The following GALNT7 variants were observed in gnomAD, a reference collection of about 807,000 sequenced individuals.
GALNT7 encodes N-acetylgalactosaminyltransferase 7.
GALNT7 carries 60 observed loss-of-function variants against 82.1 expected under a neutral mutation model. The ratio of observed to expected loss-of-function variants is 0.73; its 90% CI spans 0.59 to 0.91. The LOEUF is 0.91. Among genes scored for constraint, GALNT7 ranks in the 40% least tolerant of loss-of-function variants. The pLI is 0.00. For synonymous variants in GALNT7, 243 were observed against 275.1 expected (o/e 0.88, Z 1.15); for missense variants, 660 against 804.2 (o/e 0.82, Z 2.17).
rs1366706643 is a variant in GALNT7 at position 173,292,089 on chromosome 4, T to G, written c.588-19T>G. ...ATAGATTACCTGTAAATAAATATGA[T>G]GAAATTTTCTCTTTACAGATGCAAG... On this transcript the variant is annotated intron_variant, in intron 2 of 11. Coordinates refer to ENST00000265000, the MANE Select transcript of GALNT7 (RefSeq NM_017423.3). The surrounding 1 kb of genome is among the most constrained non-coding windows in gnomAD (Gnocchi z 4.8). The G allele has an allele frequency of 6.4e-7, 1 of 1,572,858 alleles. No individual in the cohort carries two copies.
intron 1 of GALNT7, among the ~76,000 whole-genome samples, chr4:173,182,650 G>T: frequency 6.8e-6 from 1 of 147,882 alleles, no homozygotes; most frequent in African/African-American, 2.6e-5. Context: ...AGGCAAGCAG[G>T]TTACTCATAA....
rs181896260 is a variant in GALNT7, at chr4:173,219,048, G to A, written c.127-28932G>A. Among the ~76,000 whole-genome samples the A allele has an allele frequency of 2.7e-3, 415 of 152,112 alleles. 2 individuals are homozygous for A. The highest frequency in any genetic ancestry group is 0.017 in the Middle Eastern group (5 of 294). Reference sequence around the variant, plus strand: ...GTTTACATGAATAAGTTCTTTAGTGGTGATTTCCAAGATTTTGGTGCACCT... The same window carrying A: ...GTTTACATGAATAAGTTCTTTAGTGATGATTTCCAAGATTTTGGTGCACCT... On this transcript the variant is annotated intron_variant, in intron 1 of 11. Coordinates refer to ENST00000265000, the MANE Select transcript of GALNT7 (RefSeq NM_017423.3).
At chr4:173,272,791 T>A (rs1439704328) in intron 2 of GALNT7, among the ~76,000 whole-genome samples, 1 of 152,268 alleles carries the variant, frequency 6.6e-6, no homozygotes, top group Non-Finnish European at 1.5e-5. Context: ...TTACTAAGTG[T>A]AGCCAACATA....
intron 1 of GALNT7, among the ~76,000 whole-genome samples, chr4:173,197,953 C>T (rs997036733): frequency 1.3e-5 from 2 of 152,202 alleles, no homozygotes; most frequent in Admixed American, 6.5e-5. Flanking sequence ...CCAGGGCTGC[C>T]ATGAGGGTTA....
intron 2 of GALNT7, among the ~76,000 whole-genome samples, chr4:173,265,328 T>C (rs1256229296): frequency 2.0e-5 from 3 of 152,220 alleles, no homozygotes; most frequent in Non-Finnish European, 2.9e-5. Context: ...GAAGTGACCT[T>C]TCCAGAGCCA....
intron 1 of GALNT7, among the ~76,000 whole-genome samples, chr4:173,169,835 G>A (rs1025065395): frequency 6.6e-6 from 1 of 151,960 alleles, no homozygotes; most frequent in African/African-American, 2.4e-5. Flanking sequence ...GCTTGGGCCG[G>A]AAAACTAACT....
chr4:173,216,205 T>C (rs1334687307), intron 1 of GALNT7, among the ~76,000 whole-genome samples: 1 of 152,234 alleles, frequency 6.6e-6, no homozygotes, highest in Non-Finnish European at 1.5e-5. Flanking sequence ...GTTCACCCTT[T>C]TCTCTTTTAA....
intron 1 of GALNT7, among the ~76,000 whole-genome samples, chr4:173,193,432 A>G (rs1326925758): frequency 1.3e-5 from 2 of 152,140 alleles, no homozygotes; most frequent in Non-Finnish European, 2.9e-5. Context: ...CACATACATG[A>G]AGTTTCTGCC....
intron 1 of GALNT7, among the ~76,000 whole-genome samples, chr4:173,239,282 CATAAG>C (rs933474266): frequency 5.3e-5 from 8 of 152,164 alleles, no homozygotes; most frequent in Non-Finnish European, 1.2e-4. Flanking sequence ...CAAGCAGTGG[CATAAG>C]ATAATAGACC....
chr4:173,300,198 C>G (rs1580003581), intron 6 of GALNT7, among the ~76,000 whole-genome samples: 1 of 152,232 alleles, frequency 6.6e-6, no homozygotes, highest in Middle Eastern at 3.4e-3. Context: ...CTAAAATTAG[C>G]CTGGTGTGGT....
chr4:173,251,758 TTG>T (rs1195489744), intron 2 of GALNT7, among the ~76,000 whole-genome samples: 1 of 152,210 alleles, frequency 6.6e-6, no homozygotes, highest in Non-Finnish European at 1.5e-5. Context: ...TTGCATGTTT[TTG>T]TGTATTATTT....
intron 1 of GALNT7, among the ~76,000 whole-genome samples, chr4:173,209,002 T>C (rs536201567): frequency 5.3e-5 from 8 of 152,320 alleles, no homozygotes; most frequent in Non-Finnish European, 8.8e-5. Context: ...AGTTTAGAGA[T>C]TCATCTTTTG....
chr4:173,321,719 G>A lies in GALNT7; in HGVS notation c.*2G>A. ...ATGAATAACATCCATAGTGTTTAGAGAGAAAAAAATAAACCAATAACCTAC... is the reference window on the plus strand; with the variant it reads ...ATGAATAACATCCATAGTGTTTAGAAAGAAAAAAATAAACCAATAACCTAC... On this transcript the variant is annotated 3_prime_UTR_variant, in exon 12 of 12. Coordinates refer to ENST00000265000, the MANE Select transcript of GALNT7 (RefSeq NM_017423.3). 1.2e-6 allele frequency: 2 copies of A among 1,604,722 alleles called. No homozygotes were observed. The highest frequency in any genetic ancestry group is 1.7e-6 in the Non-Finnish European group (2 of 1,172,650).
At chr4:173,222,391 T>C (rs892142926) in intron 1 of GALNT7, among the ~76,000 whole-genome samples, 3 of 152,150 alleles carry the variant, frequency 2.0e-5, no homozygotes, top group African/African-American at 7.2e-5. Flanking sequence ...CCTGCCTCAG[T>C]CTCCTGAGTA....
intron 1 of GALNT7, among the ~76,000 whole-genome samples, chr4:173,245,185 A>C (rs1245641464): frequency 6.7e-6 from 1 of 150,010 alleles, no homozygotes; most frequent in South Asian, 2.2e-4. Context: ...GAACACTAAC[A>C]GTTTAAGATT....
chr4:173,176,436 C>T (rs963781889), intron 1 of GALNT7, among the ~76,000 whole-genome samples: 3 of 152,180 alleles, frequency 2.0e-5, no homozygotes, highest in Non-Finnish European at 4.4e-5. Context: ...CATTATTATC[C>T]TTTCACTCTC....
chr4:173,183,807 G>A (rs1295616500), intron 1 of GALNT7, among the ~76,000 whole-genome samples: 1 of 151,632 alleles, frequency 6.6e-6, no homozygotes. Context: ...TGACGGCGCG[G>A]CTGGCCGGGC....
intron 2 of GALNT7, among the ~76,000 whole-genome samples, chr4:173,282,894 C>T (rs557614754): frequency 3.2e-4 from 48 of 152,274 alleles, no homozygotes; most frequent in Non-Finnish European, 2.2e-4. Context: ...TTGGTTTGAC[C>T]TTCCCCAAAA....
intron 1 of GALNT7, among the ~76,000 whole-genome samples, chr4:173,216,753 G>A (rs748259439): frequency 2.0e-3 from 14 of 6,968 alleles, no homozygotes; most frequent in Non-Finnish European, 0.012. Context: ...TTTTGGAGAC[G>A]GAGTCTCACT....
Sources: allele counts gnomAD v4.1 joint callset (sites outside exome capture counted in the v4.1 genomes callset), GRCh38; gene constraint gnomAD v4.1.1; non-coding constraint Gnocchi (gnomAD v3.1); transcripts MANE v1.5; gene names NCBI Gene and HGNC (gene_info 2026-07-23, HGNC 2026-07-21).